NXN: variants seen among roughly 807,000 people sequenced by gnomAD.
NXN encodes the protein nucleoredoxin 1.
A neutral mutation model predicts 48.6 loss-of-function variants in NXN; 16 were observed. The ratio of observed to expected loss-of-function variants is 0.33; its 90% CI spans 0.22 to 0.50. The LOEUF (loss-of-function observed/expected upper bound fraction) is 0.50, where lower values mean the gene tolerates loss of function less well. Ranked by LOEUF, NXN falls within the 20% of genes least tolerant of loss-of-function variation. NXN has a pLI of 0.98. For synonymous variants in NXN, 281 were observed against 269.6 expected, an observed-to-expected ratio of 1.04 and a Z score of -0.41; for missense variants, 492 against 605.5, an observed-to-expected ratio of 0.81 and a Z score of 1.97.
At position 801,006 on chromosome 17, in the gene NXN, G is replaced by A. The variant is rs1911171049; in HGVS notation, c.1251C>T (p.Ile417=). 8 of 1,563,938 alleles carry A rather than the reference G, an allele frequency of 5.1e-6. No homozygotes were observed. Among genetic ancestry groups the A allele is most frequent in the Non-Finnish European group, 5.2e-6 (6 of 1,152,992 alleles). ...VMDVEEITPA[I]VEAFVNDFLA... ...GGAAGTCATTCACAAAGGCCTCCACGATGGCGGGGGTGATCTCCTCCACGT... is the reference window on the plus strand; with the variant it reads ...GGAAGTCATTCACAAAGGCCTCCACAATGGCGGGGGTGATCTCCTCCACGT... The change falls in exon 8 of 8, where the codon ATC becomes ATT. Residue 417 remains isoleucine, a synonymous_variant. Transcript: ENST00000336868.
intron 1 of NXN, among the ~76,000 whole-genome samples, chr17:832,551 T>C (rs1913541388): frequency 6.6e-6 from 1 of 152,068 alleles, no homozygotes; most frequent in African/African-American, 2.4e-5. Context: ...ACCCTCTAAA[T>C]GCTCAGGAGA....
chr17:890,467 G>A (rs4471744), intron 1 of NXN, among the ~76,000 whole-genome samples: 128,542 of 151,948 alleles, frequency 0.85, 54,554 homozygotes, highest in Middle Eastern at 0.9. Context: ...TCCACCTCCC[G>A]GGTTCACGCC....
chr17:947,462 G>C (rs1222479006), intron 1 of NXN, among the ~76,000 whole-genome samples: 2 of 140,672 alleles, frequency 1.4e-5, no homozygotes, highest in Admixed American at 7.1e-5. Flanking sequence ...GCTCGGCGTG[G>C]TGGCTCACAC....
At chr17:855,853 T>G (rs2067979924) in intron 1 of NXN, among the ~76,000 whole-genome samples, 2 of 152,122 alleles carry the variant, frequency 1.3e-5, no homozygotes, top group South Asian at 4.2e-4. Context: ...ATTCCTGTCA[T>G]GGGACAGGCA....
rs1913065833 is a variant in NXN, at chr17:825,736, A to G, written c.478+225T>C. 4 of 483,186 alleles carry G rather than the reference A, an allele frequency of 8.3e-6. No individual in the cohort carries two copies. In the South Asian group the frequency reaches 1.1e-4, roughly 13 times the overall value. The allele number at this position is 483,186 out of a possible 1,614,324, so 29.9% of individuals were successfully genotyped here. ...CGGCAGAGTCCATCTCTTTTGGCCC[A>G]TGAATTAAAGCCCCTAGGAGGGACA... On this transcript the variant is annotated intron_variant, in intron 2 of 7. Coordinates refer to ENST00000336868, the MANE Select transcript of NXN (RefSeq NM_022463.5). The surrounding 1 kb of genome is among the most constrained non-coding windows in gnomAD (Gnocchi z 4.1).
At chr17:813,441 G>A (rs777820521) in intron 5 of NXN, among the ~76,000 whole-genome samples, 4 of 152,258 alleles carry the variant, frequency 2.6e-5, no homozygotes, top group African/African-American at 4.8e-5. Flanking sequence ...CATCGACGCG[G>A]ACGGAATGCC....
chr17:976,588 G>C (rs117333561), intron 1 of NXN, among the ~76,000 whole-genome samples: 1 of 152,006 alleles, frequency 6.6e-6, no homozygotes, highest in Non-Finnish European at 1.5e-5. Context: ...TCCACAAGAC[G>C]TGTTCACCCA....
intron 1 of NXN, among the ~76,000 whole-genome samples, chr17:973,668 G>A (rs527750830): frequency 6.6e-6 from 1 of 151,862 alleles, no homozygotes; most frequent in East Asian, 1.9e-4. Flanking sequence ...CTCTTATGGG[G>A]CAATTTTTTT....
Position 909,115 on chromosome 17 carries a change from A to C in NXN, c.360+70204T>G, listed in dbSNP as rs1468359104. Among the ~76,000 whole-genome samples the C allele has an allele frequency of 1.9e-4, 6 of 31,236 alleles. No individual in the cohort carries two copies. In the East Asian group the frequency reaches 4.3e-3, roughly 22 times the overall value. 20.5% of individuals were successfully genotyped at this position (31,236 alleles called of 152,430 possible). On this transcript the variant is annotated intron_variant, in intron 1 of 7. Coordinates refer to ENST00000336868, the MANE Select transcript of NXN (RefSeq NM_022463.5). Reference sequence around the variant, plus strand: ...CTTCGTCTCAAAAAAAAAAAAAAAAAAAAAAAAAAAAACACTCCCTGCCAG... The same window carrying C: ...CTTCGTCTCAAAAAAAAAAAAAAAACAAAAAAAAAAAACACTCCCTGCCAG...
chr17:853,155 G>A (rs1458341657), intron 1 of NXN, among the ~76,000 whole-genome samples: 2 of 151,924 alleles, frequency 1.3e-5, no homozygotes, highest in African/African-American at 4.8e-5. Context: ...AAACATAAAT[G>A]TTAAGAAAAT....
At chr17:829,624 C>A (rs138221266) in intron 1 of NXN, among the ~76,000 whole-genome samples, 24,466 of 151,938 alleles carry the variant, frequency 0.16, 2,050 homozygotes, top group Non-Finnish European at 0.18. Flanking sequence ...CTCCCCTAGG[C>A]CCCCACCTGC....
intron 1 of NXN, chr17:910,776 T>G (rs1228266047): frequency 6.6e-6 from 1 of 152,022 alleles, no homozygotes; most frequent in Non-Finnish European, 1.5e-5. Flanking sequence ...CACCGGGGAG[T>G]TCAAAATGAC....
chr17:804,563 G>T (rs1398180764), intron 6 of NXN, among the ~76,000 whole-genome samples: 4 of 152,222 alleles, frequency 2.6e-5, no homozygotes, highest in Admixed American at 6.5e-5. Flanking sequence ...GCATGGATGC[G>T]CCTGTGTCCC....
chr17:942,251 T>A (rs1174824261), intron 1 of NXN, among the ~76,000 whole-genome samples: 2 of 112,812 alleles, frequency 1.8e-5, no homozygotes, highest in Admixed American at 9.0e-5. Context: ...TGAACTCACA[T>A]CACACCTTCC....
At chr17:841,545 G>A (rs72810299) in intron 1 of NXN, among the ~76,000 whole-genome samples, 5,535 of 17,606 alleles carry the variant, frequency 0.31, 732 homozygotes, top group East Asian at 0.45. Context: ...AGCATCTCAC[G>A]CCGGCGAGCA....
At position 819,479 on chromosome 17, in the gene NXN, C is replaced by A. The variant is rs1205646351; in HGVS notation, c.780G>T (p.Glu260Asp). The change falls in exon 5 of 8, where the codon GAG (glutamate) becomes GAT (aspartate). Residue 260 changes from glutamate to aspartate, a missense_variant. This residue lies in a region of NXN where 303 missense variants were observed against 388.3 expected (regional missense o/e 0.78). Coordinates refer to ENST00000336868, the MANE Select transcript of NXN (RefSeq NM_022463.5). ...MPWLAVPYTDEARRSRLNRLY... is the reference protein window; with the variant it reads ...MPWLAVPYTDDARRSRLNRLY... ...GCCGGTTGAGGCGCGACCGCCGGGC[C>A]TCATCCGTGTAGGGGACGGCGAGCC... 3 of 1,614,142 alleles carry A rather than the reference C, an allele frequency of 1.9e-6. No homozygotes were observed. The highest frequency in any genetic ancestry group is 2.5e-6 in the Non-Finnish European group (3 of 1,180,018).
intron 1 of NXN, among the ~76,000 whole-genome samples, chr17:906,311 T>C (rs2068580630): frequency 6.6e-6 from 1 of 151,722 alleles, no homozygotes; most frequent in African/African-American, 2.4e-5. Context: ...CTGTGTATTT[T>C]TGAATGACTG....
At chr17:880,773 T>C (rs2068275585) in intron 1 of NXN, among the ~76,000 whole-genome samples, 1 of 152,068 alleles carries the variant, frequency 6.6e-6, no homozygotes, top group Non-Finnish European at 1.5e-5. Flanking sequence ...CTTATCCATA[T>C]CTAGGAGCAG....
chr17:921,380 C>T (rs1414621519), intron 1 of NXN, among the ~76,000 whole-genome samples: 1 of 152,120 alleles, frequency 6.6e-6, no homozygotes, highest in Non-Finnish European at 1.5e-5. Flanking sequence ...CAACACCCAG[C>T]GGAACCCGTC....
Sources: allele counts gnomAD v4.1 joint callset (sites outside exome capture counted in the v4.1 genomes callset), GRCh38; gene constraint gnomAD v4.1.1; regional missense constraint gnomAD v4.1.1; non-coding constraint Gnocchi (gnomAD v3.1); transcripts MANE v1.5; gene names NCBI Gene and HGNC (gene_info 2026-07-23, HGNC 2026-07-21).